PDCD11: variants seen among roughly 807,000 people sequenced by gnomAD.
PDCD11 encodes the protein protein RRP5 homolog.
In PDCD11, 97 loss-of-function variants were observed where a neutral mutation model predicts 198.9. The ratio of observed to expected loss-of-function variants is 0.49; its 90% CI spans 0.41 to 0.58. PDCD11 has a LOEUF of 0.58. PDCD11 is among the 20% of genes least tolerant of loss of function. The pLI is 0.00. For missense variants in PDCD11, 2,102 were observed against 2,312.7 expected (o/e 0.91, Z 1.87); for synonymous variants, 893 against 918.0 (o/e 0.97, Z 0.49).
chr10:103,415,611 G>T (rs2031063566), intron 12 of PDCD11, among the ~76,000 whole-genome samples: 1 of 152,222 alleles, frequency 6.6e-6, no homozygotes, highest in Non-Finnish European at 1.5e-5. Context: ...TGCGGGTGGG[G>T]AAATTAAAGC....
At chr10:103,431,928 A>T (rs1246585768) in intron 21 of PDCD11, among the ~76,000 whole-genome samples, 1 of 152,244 alleles carries the variant, frequency 6.6e-6, no homozygotes, top group Non-Finnish European at 1.5e-5. Context: ...CTTGTTCATA[A>T]GTAGATGAAT....
chr10:103,422,866 T>C, intron 17 of PDCD11, 122 bp from the exon 18 acceptor site: 1 of 947,550 alleles, frequency 1.1e-6, no homozygotes, highest in East Asian at 3.0e-5. Flanking sequence ...AAAAAGTGAT[T>C]TTACCTTGTC....
At chr10:103,434,717 C>T (rs2032078248) in intron 24 of PDCD11, 81 bp from the exon 25 acceptor site, 2 of 1,237,084 alleles carry the variant, frequency 1.6e-6, no homozygotes, top group Admixed American at 4.6e-5. Context: ...CTCCACCTTC[C>T]CCAGCCTGTG....
Position 103,438,043 on chromosome 10 carries a change from GT to G in PDCD11, c.3875del (p.Val1292AspfsTer2). ...TTACATCCTGTCCACTGCAGACAAC[GT>G]ATTGACTTTGTCGCTGCGATCATCC... Reference protein sequence around the residue: ...RCYILSTADNVLTLSLRSSRT... With the variant: ...RCYILSTADNXLTLSLRSSRT... On this transcript the variant is annotated frameshift_variant, in exon 26 of 36. Coordinates refer to ENST00000369797, the MANE Select transcript of PDCD11 (RefSeq NM_014976.2). LOFTEE classifies it high-confidence loss of function. The G allele has an allele frequency of 1.9e-6, 3 of 1,613,580 alleles. No homozygotes were observed. The highest frequency in any genetic ancestry group is 2.5e-6 in the Non-Finnish European group (3 of 1,179,562).
intron 4 of PDCD11, among the ~76,000 whole-genome samples, chr10:103,404,162 T>G (rs567574423): frequency 6.6e-6 from 1 of 151,846 alleles, no homozygotes; most frequent in African/African-American, 2.4e-5. Flanking sequence ...CTAATTTTTG[T>G]ATTTTCGGTA....
intron 25 of PDCD11, among the ~76,000 whole-genome samples, chr10:103,435,751 G>C (rs534090146): frequency 6.6e-6 from 1 of 152,308 alleles, no homozygotes; most frequent in South Asian, 2.1e-4. Flanking sequence ...GACCTCAGGT[G>C]ATCTGCCCAT....
chr10:103,440,447 C>T lies in PDCD11; in HGVS notation c.4306C>T (p.Gln1436Ter). 6.2e-7 allele frequency: 1 copy of T among 1,614,098 alleles called. No individual in the cohort carries two copies. Among genetic ancestry groups the T allele is most frequent in the Non-Finnish European group, 8.5e-7 (1 of 1,179,984 alleles). The part of the protein sequence containing the change: ...ERDQKGEKKN[Q>*]KRNEKKNQKG... The stretch of plus-strand genomic sequence containing the variant: ...AGACCAAAAAGGGGAAAAGAAAAAT[C>T]AGAAAAGGAACGAGAAGAAGAACCA... The change falls in exon 29 of 36, where the codon CAG becomes TAG. Residue 1436 changes from glutamine to a stop codon, truncating the protein, a stop_gained. Coordinates refer to ENST00000369797, the MANE Select transcript of PDCD11 (RefSeq NM_014976.2). LOFTEE classifies it high-confidence loss of function.
Position 103,421,223 on chromosome 10 carries a change from A to C in PDCD11, c.2278-125A>C. 5.8e-6 allele frequency: 4 copies of C among 692,624 alleles called. No homozygotes were observed. In the Admixed American group the frequency reaches 9.1e-5, roughly 16 times the overall value. The allele number at this position is 692,624 out of a possible 1,614,324, so 42.9% of individuals were successfully genotyped here. ...AAGGGAAGTAGAGCTGTGTTCAGAG[A>C]GGGCTTGGGGGAGCTTCCTAGGCCC... On this transcript the variant is annotated intron_variant, in intron 16 of 35. Coordinates refer to ENST00000369797, the MANE Select transcript of PDCD11 (RefSeq NM_014976.2).
chr10:103,420,837 T>G (rs986154943), intron 16 of PDCD11, among the ~76,000 whole-genome samples: 1 of 151,810 alleles, frequency 6.6e-6, no homozygotes. Flanking sequence ...TGCCCTCTCC[T>G]GGAGGCTCTG....
intron 3 of PDCD11, among the ~76,000 whole-genome samples, chr10:103,400,936 G>A (rs1277320986): frequency 1.3e-5 from 2 of 152,088 alleles, no homozygotes; most frequent in Non-Finnish European, 2.9e-5. Flanking sequence ...TAAATCTTTT[G>A]TAGGGCTTGG....
At chr10:103,430,693 G>GCCTTTAATT (rs1444954122) in intron 21 of PDCD11, among the ~76,000 whole-genome samples, 1 of 146,784 alleles carries the variant, frequency 6.8e-6, no homozygotes, top group Non-Finnish European at 1.5e-5. Context: ...ATCTCATTGT[G>GCCTTTAATT]CCTTTAATTT....
At chr10:103,424,739 T>G (rs932758995) in intron 19 of PDCD11, among the ~76,000 whole-genome samples, 1 of 152,162 alleles carries the variant, frequency 6.6e-6, no homozygotes, top group Non-Finnish European at 1.5e-5. Context: ...TCTTGCAATT[T>G]AAATTCAAAG....
intron 12 of PDCD11, 41 bp from the exon 13 acceptor site, chr10:103,416,450 G>C (rs1326202569): frequency 6.2e-7 from 1 of 1,606,750 alleles, no homozygotes; most frequent in Admixed American, 1.7e-5. Flanking sequence ...TGGCTCTCAT[G>C]ATAACAGATA....
chr10:103,417,833 G>A lies in PDCD11; in HGVS notation c.1812G>A (p.Glu604=). Residue 604 remains glutamate, a synonymous_variant, in exon 14 of 36, where the codon GAG becomes GAA. Coordinates refer to ENST00000369797, the MANE Select transcript of PDCD11 (RefSeq NM_014976.2). ...TATTGAACTGTGAGCCATCCAAAGA[G>A]AGGATGCTCTTATCCTTCAAGCTGT... ...VVVLNCEPSK[E]RMLLSFKLSS... 1 of 1,614,220 alleles carries A rather than the reference G, an allele frequency of 6.2e-7. No individual in the cohort carries two copies. The highest frequency in any genetic ancestry group is 8.5e-7 in the Non-Finnish European group (1 of 1,180,038).
intron 8 of PDCD11, among the ~76,000 whole-genome samples, chr10:103,410,051 A>G (rs1437848289): frequency 6.6e-6 from 1 of 152,202 alleles, no homozygotes; most frequent in Admixed American, 6.5e-5. Context: ...CCTGGCCAAC[A>G]TGGTGAAACC....
chr10:103,406,760 A>G lies in PDCD11; in HGVS notation c.840A>G (p.Pro280=). 6.2e-7 allele frequency: 1 copy of G among 1,614,176 alleles called. No homozygotes were observed. The highest frequency in any genetic ancestry group is 8.5e-7 in the Non-Finnish European group (1 of 1,180,002). The change falls in exon 7 of 36, where the codon CCA becomes CCG. Residue 280 remains proline (P), a synonymous_variant. Transcript: ENST00000369797. ...GCTGGAACCTTAATAACTTGCTACC[A>G]GGACTGGTGGTCAAAGCTCAGGTAC... is the stretch of plus-strand genomic sequence containing the variant. The part of the protein sequence containing the change: ...QQSWNLNNLL[P]GLVVKAQVQK...
chr10:103,445,591 C>G lies in PDCD11; in HGVS notation c.*42C>G. 6.4e-7 allele frequency: 1 copy of G among 1,565,492 alleles called. No homozygotes were observed. Among genetic ancestry groups the G allele is most frequent in the Non-Finnish European group, 8.7e-7 (1 of 1,145,596 alleles). On this transcript the variant is annotated 3_prime_UTR_variant, in exon 36 of 36. Transcript: ENST00000369797. ...TGGGACACTGTCAACAATGGGCCAGCCCGGCCCCGCCTCGAGTGCCTGGGC... is the reference window on the plus strand; with the variant it reads ...TGGGACACTGTCAACAATGGGCCAGGCCGGCCCCGCCTCGAGTGCCTGGGC...
At position 103,418,385 on chromosome 10, in the gene PDCD11, A is replaced by G. The variant is rs959631183; in HGVS notation, c.1912-55A>G. 30 of 1,416,864 alleles carry G rather than the reference A, an allele frequency of 2.1e-5. 1 individual carries two copies. In the African/African-American group the frequency reaches 3.9e-4, roughly 19 times the overall value. 87.8% of individuals were successfully genotyped at this position (1,416,864 alleles called of 1,614,324 possible). A position where few individuals can be genotyped will look rare whatever the true frequency, so the allele number is the denominator to read the frequency against. ...CTCCAAGCCCTGCCTAATCCAGACC[A>G]GGTTGTTCTCTGTTCATGACAAGTG... On this transcript the variant is annotated intron_variant, in intron 14 of 35. Coordinates refer to ENST00000369797, the MANE Select transcript of PDCD11 (RefSeq NM_014976.2).
At position 103,413,143 on chromosome 10, in the gene PDCD11, C is replaced by A. The variant is rs2133695054; in HGVS notation, c.1006C>A (p.Pro336Thr). The change falls in exon 9 of 36, where the codon CCT becomes ACT. Residue 336 changes from proline (P) to threonine (T), a missense_variant. Coordinates refer to ENST00000369797, the MANE Select transcript of PDCD11 (RefSeq NM_014976.2). ...AVRACILCVH[P>T]RTRVVHLSLR... is the part of the protein sequence containing the mutation. ...GAGGGCCTGCATCCTTTGCGTCCATCCTCGAACCAGAGTTGTGCACCTGAG... is the reference window on the plus strand; with the variant it reads ...GAGGGCCTGCATCCTTTGCGTCCATACTCGAACCAGAGTTGTGCACCTGAG... The A allele has an allele frequency of 1.2e-6, 2 of 1,614,168 alleles. No homozygotes were observed. The highest frequency in any genetic ancestry group is 1.7e-6 in the Non-Finnish European group (2 of 1,180,022).
Sources: gnomAD v4.1 joint callset for allele counts (sites outside exome capture counted in the v4.1 genomes callset) on GRCh38, gnomAD v4.1.1 for gene constraint, MANE v1.5 for transcripts, NCBI Gene and HGNC (gene_info 2026-07-23, HGNC 2026-07-21) for gene names.